CASK: variants seen among roughly 807,000 people sequenced by gnomAD.
CASK encodes the protein calcium/calmodulin dependent serine protein kinase.
Under a neutral mutation model 82.9 loss-of-function variants are expected in CASK, and 4 were observed. The observed-to-expected ratio is 0.05, with a 90% CI of 0.02 to 0.11. The LOEUF (loss-of-function observed/expected upper bound fraction) is 0.11. Ranked by LOEUF, CASK falls within the 10% of genes least tolerant of loss-of-function variation. The pLI is 1.00. For synonymous variants in CASK, 259 were observed against 253.5 expected (o/e 1.02, Z -0.20); for missense variants, 358 against 720.9 (o/e 0.50, Z 5.76).
chrX:41,622,588 A>ACC lies in CASK; in HGVS notation c.1033+27_1033+28dup, dbSNP rs766790947. The ACC allele has an allele frequency of 5.1e-6, 6 of 1,173,309 alleles. No homozygotes were observed. In the Admixed American group the frequency reaches 1.1e-4, roughly 22 times the overall value. The stretch of plus-strand genomic sequence containing the variant: ...CCAAACACTTTTGCATAAAAGATAC[A>ACC]CCTTAAAGGAAAACAAAGGGATACC... On this transcript the variant is annotated intron_variant, in intron 11 of 26. Coordinates refer to ENST00000378163, the MANE Select transcript of CASK (RefSeq NM_001367721.1).
At chrX:41,818,348 AT>A (rs1218998515) in intron 2 of CASK, among the ~76,000 whole-genome samples, 1 of 111,088 alleles carries the variant, frequency 9.0e-6, no homozygotes, top group Non-Finnish European at 1.9e-5. Flanking sequence ...CACACTTGTA[AT>A]CCCAGCACTT....
At chrX:41,816,799 CTT>C (rs1359539643) in intron 2 of CASK, among the ~76,000 whole-genome samples, 1 of 111,629 alleles carries the variant, frequency 9.0e-6, no homozygotes, top group African/African-American at 3.3e-5. Flanking sequence ...CCAAACCTCA[CTT>C]AAGACGAAAT....
intron 16 of CASK, among the ~76,000 whole-genome samples, chrX:41,563,313 T>C (rs113656775): frequency 1.1e-5 from 1 of 90,935 alleles, no homozygotes; most frequent in Non-Finnish European, 2.1e-5. Flanking sequence ...GCTATGATTA[T>C]GCTACTGCAT....
chrX:41,827,490 T>G (rs373272454), intron 2 of CASK, among the ~76,000 whole-genome samples: 2 of 111,950 alleles, frequency 1.8e-5, no homozygotes, highest in Admixed American at 1.9e-4. Context: ...CTCTAAGGCA[T>G]CTTTTATAAG....
intron 5 of CASK, among the ~76,000 whole-genome samples, chrX:41,738,356 T>C (rs922406100): frequency 2.7e-5 from 3 of 112,763 alleles, no homozygotes; most frequent in African/African-American, 6.4e-5. Context: ...TCTTAACACA[T>C]CTGAAAAGGA....
intron 8 of CASK, among the ~76,000 whole-genome samples, chrX:41,656,103 C>T (rs928104589): frequency 6.3e-5 from 7 of 111,778 alleles, no homozygotes; most frequent in Non-Finnish European, 1.3e-4. Flanking sequence ...TGTGCTCCCT[C>T]GAGGTGGCCA....
intron 1 of CASK, among the ~76,000 whole-genome samples, chrX:41,884,026 C>T (rs1193021319): frequency 1.8e-5 from 2 of 111,629 alleles, no homozygotes; most frequent in Non-Finnish European, 3.8e-5. Context: ...AATCAGTGGC[C>T]GCAGTTCCCG....
chrX:41,862,393 T>C (rs1327357555), intron 1 of CASK, among the ~76,000 whole-genome samples: 1 of 108,667 alleles, frequency 9.2e-6, no homozygotes, highest in Admixed American at 9.8e-5. Context: ...ATACAAAAAT[T>C]AGCCAGGCAT....
chrX:41,677,304 T>C (rs2067283753), intron 5 of CASK, among the ~76,000 whole-genome samples: 1 of 111,300 alleles, frequency 9.0e-6, no homozygotes, highest in Non-Finnish European at 1.9e-5. Flanking sequence ...GGAATGAAAT[T>C]GCTTAGGAAA....
Position 41,625,988 on chromosome X carries a change from G to A in CASK, c.1015+616C>T, listed in dbSNP as rs764349726. On this transcript the variant is annotated intron_variant, in intron 10 of 26. Coordinates refer to ENST00000378163, the MANE Select transcript of CASK (RefSeq NM_001367721.1). ...TTTTTTGTATTTTTGTGTTTTTGCAGAGATGGGGTTTTGCCATGTTGGCCA... is the reference window on the plus strand; with the variant it reads ...TTTTTTGTATTTTTGTGTTTTTGCAAAGATGGGGTTTTGCCATGTTGGCCA... Among the ~76,000 whole-genome samples, 74 of 88,625 alleles carry A rather than the reference G, an allele frequency of 8.3e-4. 1 individual carries two copies. The highest frequency in any genetic ancestry group is 5.7e-3 in the Admixed American group (40 of 7,042). 77.0% of individuals were successfully genotyped at this position (88,625 alleles called of 115,157 possible). A position where few individuals can be genotyped will look rare whatever the true frequency, so the allele number is the denominator to read the frequency against.
rs55730177 is a variant in CASK at position 41,829,696 on chromosome X, GATATATATATATATATAT to G, written c.172+23401_172+23418del. On this transcript the variant is annotated intron_variant, in intron 2 of 26. Transcript: ENST00000378163. ...CAGGGATGCAAATGCTAGGTCACAA[GATATATATATATATATAT>G]ATATATATATATATATATATATATA... Among the ~76,000 whole-genome samples the G allele has an allele frequency of 3.7e-3, 60 of 16,252 alleles. 2 individuals are homozygous for G. Among genetic ancestry groups the G allele is most frequent in the East Asian group, 8.1e-3 (1 of 124 alleles). 14.1% of individuals were successfully genotyped at this position (16,252 alleles called of 115,157 possible).
chrX:41,580,971 AT>A lies in CASK; in HGVS notation c.1315-2444del, dbSNP rs770320391. 8.0e-5 allele frequency among the ~76,000 whole-genome samples: 9 copies of A among 112,738 alleles called. No individual in the cohort carries two copies. The East Asian group carries it at 2.5e-3, about 31-fold the overall frequency. ...AAAATCTGACTATTTAATGTTTCAT[AT>A]TTTACAGCTGCAATAAGCAAAGGAA... is the stretch of plus-strand genomic sequence containing the variant. On this transcript the variant is annotated intron_variant, in intron 14 of 26. Coordinates refer to ENST00000378163, the MANE Select transcript of CASK (RefSeq NM_001367721.1).
intron 14 of CASK, chrX:41,584,471 C>T (rs1384490293): frequency 2.5e-5 from 1 of 39,278 alleles, no homozygotes; most frequent in Non-Finnish European, 4.4e-5. Context: ...CCACGGATGG[C>T]AGGGTGGGTG....
In CASK at chrX:41,693,779, T is replaced by G. The variant is rs1021905031; in HGVS notation, c.430-22249A>C. Among the ~76,000 whole-genome samples, 3 of 111,648 alleles carry G rather than the reference T, an allele frequency of 2.7e-5. No individual in the cohort carries two copies. In the Admixed American group the frequency reaches 2.9e-4, roughly 11 times the overall value. ...GCTCCCTTCCTTTCTCCCTCCACTT[T>G]CCTGAATTCTGGAAACAGGCTCTTA... On this transcript the variant is annotated intron_variant, in intron 5 of 26. Coordinates refer to ENST00000378163, the MANE Select transcript of CASK (RefSeq NM_001367721.1).
At chrX:41,584,579 T>A (rs2065630341) in intron 14 of CASK, 2 of 111,273 alleles carry the variant, frequency 1.8e-5, no homozygotes, top group African/African-American at 6.5e-5. Context: ...GCAACCTAGA[T>A]CCCTCGCATG....
chrX:41,771,923 G>A (rs1290547267), intron 3 of CASK, among the ~76,000 whole-genome samples: 1 of 110,519 alleles, frequency 9.0e-6, no homozygotes, highest in Non-Finnish European at 1.9e-5. Context: ...TTTAACAAGA[G>A]GTACAAATAA....
chrX:41,816,896 C>T lies in CASK; in HGVS notation c.173-29613G>A, dbSNP rs964735696. On this transcript the variant is annotated intron_variant, in intron 2 of 26. Coordinates refer to ENST00000378163, the MANE Select transcript of CASK (RefSeq NM_001367721.1). ...AGAAAACTTCAGGCCAAGATGAACT[C>T]TACCAAACATGAAGAAATAATACCA... 2.7e-5 allele frequency among the ~76,000 whole-genome samples: 3 copies of T among 111,174 alleles called. No individual in the cohort carries two copies. The Admixed American group carries it at 2.9e-4, about 11-fold the overall frequency.
intron 2 of CASK, among the ~76,000 whole-genome samples, chrX:41,830,633 A>C (rs2070776620): frequency 9.3e-6 from 1 of 107,455 alleles, no homozygotes; most frequent in Non-Finnish European, 1.9e-5. Flanking sequence ...ATCCTGGCTA[A>C]CTCGGTGAAA....
chrX:41,721,205 T>C (rs1282021524), intron 5 of CASK, among the ~76,000 whole-genome samples: 1 of 110,249 alleles, frequency 9.1e-6, no homozygotes, highest in Non-Finnish European at 1.9e-5. Flanking sequence ...GTGATTTGAA[T>C]GAGAAAAGTC....
Sources: allele counts gnomAD v4.1 joint callset (sites outside exome capture counted in the v4.1 genomes callset), GRCh38; gene constraint gnomAD v4.1.1; transcripts MANE v1.5; gene names NCBI Gene and HGNC (gene_info 2026-07-23, HGNC 2026-07-21).